Variants in ARMC2 observed in about 807,000 individuals in gnomAD.
The protein encoded by ARMC2 is armadillo repeat-containing protein 2.
A neutral mutation model predicts 90.3 loss-of-function variants in ARMC2; 67 were observed. That is an observed-to-expected ratio of 0.74 (90% confidence interval 0.61 to 0.91). The LOEUF (loss-of-function observed/expected upper bound fraction) is 0.91. Ranked by LOEUF, ARMC2 falls within the 40% of genes least tolerant of loss-of-function variation. ARMC2 has a pLI of 0.00. For synonymous variants in ARMC2, 393 were observed against 393.0 expected (o/e 1.00, Z 0.00); for missense variants, 920 against 1,030.9 (o/e 0.89, Z 1.47).
the ARMC2 span, among the ~76,000 whole-genome samples, chr6:108,987,913 A>G: frequency 6.7e-6 from 1 of 149,602 alleles, no homozygotes; most frequent in Non-Finnish European, 1.5e-5. Context: ...AGCGATTCTC[A>G]TGCCTCAGCT....
At chr6:108,986,869 C>CT in the ARMC2 span, 2 of 152,208 alleles carry the variant, frequency 1.3e-5, no homozygotes, top group Non-Finnish European at 2.9e-5. Flanking sequence ...TGAAGAAAAT[C>CT]TTTAAGAATG....
chr6:108,946,952 A>G (rs1388019177), intron 12 of ARMC2, among the ~76,000 whole-genome samples: 2 of 152,214 alleles, frequency 1.3e-5, no homozygotes, highest in Non-Finnish European at 2.9e-5. Flanking sequence ...AATGTGAGGT[A>G]GCAAAGAAGT....
chr6:108,981,591 G>A, the ARMC2 span, among the ~76,000 whole-genome samples: 1 of 151,474 alleles, frequency 6.6e-6, no homozygotes, highest in Non-Finnish European at 1.5e-5. Context: ...TGTGTGACTG[G>A]TTTATTTCAC....
At chr6:109,000,941 G>A in the ARMC2 span, among the ~76,000 whole-genome samples, 1 of 152,042 alleles carries the variant, frequency 6.6e-6, no homozygotes, top group Admixed American at 6.6e-5. Context: ...TTCAGATTAA[G>A]AAGAAACTTC....
chr6:108,985,538 G>T, the ARMC2 span, among the ~76,000 whole-genome samples: 1 of 152,150 alleles, frequency 6.6e-6, no homozygotes, highest in Non-Finnish European at 1.5e-5. Flanking sequence ...CATTAACTTT[G>T]TATCACATGC....
the ARMC2 span, among the ~76,000 whole-genome samples, chr6:108,979,537 C>A: frequency 6.6e-6 from 1 of 152,044 alleles, no homozygotes; most frequent in Non-Finnish European, 1.5e-5. Context: ...GAATGTTGGC[C>A]TGCCTTGCTA....
intron 5 of ARMC2, among the ~76,000 whole-genome samples, chr6:108,881,171 C>CTTTT (rs905229179): frequency 1.8e-3 from 264 of 148,094 alleles, no homozygotes; most frequent in African/African-American, 6.3e-3. Flanking sequence ...TTTTCTTTTT[C>CTTTT]TTTTTTTTTT....
rs1778921959 is a variant in ARMC2 at position 108,973,968 on chromosome 6, A to G, written c.*454A>G. On this transcript the variant is annotated 3_prime_UTR_variant, in exon 18 of 18. Transcript: ENST00000392644. ...TAATTCTTACTATGTCAAATAATAA[A>G]TGCTCTCATTAGGTACCAGTATTTT... 1 of 152,416 alleles carries G rather than the reference A, an allele frequency of 6.6e-6. No individual in the cohort carries two copies. Among genetic ancestry groups the G allele is most frequent in the Non-Finnish European group, 1.5e-5 (1 of 68,172 alleles). 9.4% of individuals were successfully genotyped at this position (152,416 alleles called of 1,614,324 possible).
chr6:108,872,118 TGGA>T (rs1776478947), intron 4 of ARMC2, among the ~76,000 whole-genome samples: 1 of 152,186 alleles, frequency 6.6e-6, no homozygotes, highest in South Asian at 2.1e-4. Flanking sequence ...GCTGCAGAAA[TGGA>T]GGGCATCCCT....
chr6:108,869,828 G>A (rs1776207719), intron 4 of ARMC2, among the ~76,000 whole-genome samples: 1 of 151,974 alleles, frequency 6.6e-6, no homozygotes, highest in Non-Finnish European at 1.5e-5. Context: ...CCCCATCCAG[G>A]GCATACTAAG....
At chr6:108,953,546 A>G (rs562474886) in intron 13 of ARMC2, among the ~76,000 whole-genome samples, 195 bp downstream of exon 13, 342 of 152,378 alleles carry the variant, frequency 2.2e-3, no homozygotes, top group Non-Finnish European at 4.1e-3. Flanking sequence ...TAGAAAAGGA[A>G]AAGAAAACAT....
At chr6:109,001,810 C>T in the ARMC2 span, among the ~76,000 whole-genome samples, 2 of 152,170 alleles carry the variant, frequency 1.3e-5, no homozygotes, top group Non-Finnish European at 2.9e-5. Context: ...TAAAGCCTTT[C>T]TTTACAAAAC....
Position 108,876,400 on chromosome 6 carries a change from A to C in ARMC2, c.671+50A>C, listed in dbSNP as rs540013824. ...TCTGGTCAGGATAATGGTATCATTT[A>C]CCAGTTTCTTCTCTATTTTATATAG... On this transcript the variant is annotated intron_variant, in intron 5 of 17. Coordinates refer to ENST00000392644, the MANE Select transcript of ARMC2 (RefSeq NM_032131.6). The C allele has an allele frequency of 4.8e-5, 73 of 1,534,280 alleles. No individual in the cohort carries two copies. The African/African-American group carries it at 9.6e-4, about 20-fold the overall frequency.
At chr6:109,012,053 G>A in the ARMC2 span, among the ~76,000 whole-genome samples, 1 of 152,118 alleles carries the variant, frequency 6.6e-6, no homozygotes, top group East Asian at 1.9e-4. Flanking sequence ...ATGTTCTGAA[G>A]GTGCTGCTCC....
At chr6:108,968,930 A>C (rs1162087556) in intron 17 of ARMC2, among the ~76,000 whole-genome samples, 1 of 152,164 alleles carries the variant, frequency 6.6e-6, no homozygotes, top group African/African-American at 2.4e-5. Flanking sequence ...CGTGGTCTGA[A>C]ACTTCCCATT....
chr6:109,041,760 T>C, the ARMC2 span, among the ~76,000 whole-genome samples: 1 of 152,002 alleles, frequency 6.6e-6, no homozygotes, highest in Admixed American at 6.6e-5. Context: ...GCAGGAGACT[T>C]CAACATTCCT....
At position 108,965,852 on chromosome 6, in the gene ARMC2, T is replaced by C. The variant is rs186000090; in HGVS notation, c.2446+712T>C. 5.4e-4 allele frequency among the ~76,000 whole-genome samples: 81 copies of C among 151,008 alleles called. 2 individuals carry two copies. The highest frequency in any genetic ancestry group is 1.8e-3 in the African/African-American group (75 of 41,032). On this transcript the variant is annotated intron_variant, in intron 17 of 17. Coordinates refer to ENST00000392644, the MANE Select transcript of ARMC2 (RefSeq NM_032131.6). Reference sequence around the variant, plus strand: ...TTTTTTTGTAGCGATGAGGTCTTGCTATGTTACCCAGGCTGGTGTCAACCT... The same window carrying C: ...TTTTTTTGTAGCGATGAGGTCTTGCCATGTTACCCAGGCTGGTGTCAACCT...
chr6:108,897,226 C>T (rs1369417192), intron 6 of ARMC2, among the ~76,000 whole-genome samples: 7 of 152,086 alleles, frequency 4.6e-5, no homozygotes, highest in East Asian at 1.9e-4. Context: ...AGGGTGCTGC[C>T]GCAGAAGACC....
chr6:108,933,476 G>A (rs1775740367), intron 11 of ARMC2, among the ~76,000 whole-genome samples: 1 of 152,084 alleles, frequency 6.6e-6, no homozygotes, highest in African/African-American at 2.4e-5. Context: ...CTGAGACTGT[G>A]GGGTTTTCTA....
Sources: allele counts gnomAD v4.1 joint callset (sites outside exome capture counted in the v4.1 genomes callset), GRCh38; gene constraint gnomAD v4.1.1; transcripts MANE v1.5; gene names NCBI Gene and HGNC (gene_info 2026-07-23, HGNC 2026-07-21).